The following OXNAD1 variants were observed in gnomAD, a reference collection of about 807,000 sequenced individuals.
OXNAD1 encodes oxidoreductase NAD binding domain containing 1, also known as oxidoreductase NAD-binding domain-containing protein 1.
Under a neutral mutation model 32.9 loss-of-function variants are expected in OXNAD1, and 34 were observed. The ratio of observed to expected loss-of-function variants is 1.03; its 90% CI spans 0.79 to 1.38. OXNAD1 has a LOEUF of 1.38. Ranked by LOEUF, OXNAD1 falls within the 40% of genes most tolerant of loss-of-function variation. OXNAD1 has a pLI of 0.00. For synonymous variants in OXNAD1, 134 were observed against 135.2 expected (o/e 0.99, Z 0.06); for missense variants, 407 against 379.4 (o/e 1.07, Z -0.60).
At chr3:16,285,586 G>T (rs2066019631) in intron 4 of OXNAD1, among the ~76,000 whole-genome samples, 1 of 152,184 alleles carries the variant, frequency 6.6e-6, no homozygotes, top group South Asian at 2.1e-4. Context: ...GCCATGAATG[G>T]CACATACCTG....
downstream of OXNAD1, among the ~76,000 whole-genome samples, chr3:16,306,717 CTG>C (rs1201615615): frequency 1.3e-5 from 2 of 152,182 alleles, no homozygotes; most frequent in Non-Finnish European, 2.9e-5. Flanking sequence ...CCTCTCTCCT[CTG>C]TATTTCATGT....
In OXNAD1 at chr3:16,321,594, T is replaced by C. The variant is rs2069063816; in HGVS notation, c.*31-15518T>C. Among the ~76,000 whole-genome samples the C allele has an allele frequency of 6.6e-6, 1 of 152,094 alleles. No individual in the cohort carries two copies. Among genetic ancestry groups the C allele is most frequent in the South Asian group, 2.1e-4 (1 of 4,824 alleles). On this transcript the variant is annotated intron_variant, in intron 9 of 9. Coordinates refer to the OXNAD1 transcript ENST00000435829. This position sits in a 1 kb window ranked among gnomAD's most constrained non-coding sequence, Gnocchi z 4.8. Reference sequence around the variant, plus strand: ...AAGGAGTCTGGCTGTGAAGCCCCCCTCTCTGGAGGACTCCCATCTGTGAGG... The same window carrying C: ...AAGGAGTCTGGCTGTGAAGCCCCCCCCTCTGGAGGACTCCCATCTGTGAGG...
rs2069094403 is a variant in OXNAD1 at position 16,321,849 on chromosome 3, A to C, written c.*31-15263A>C. 6.6e-6 allele frequency among the ~76,000 whole-genome samples: 1 copy of C among 152,152 alleles called. No homozygotes were observed. The highest frequency in any genetic ancestry group is 2.4e-5 in the African/African-American group (1 of 41,428). On this transcript the variant is annotated intron_variant, in intron 9 of 9. Transcript: ENST00000435829. This position sits in a 1 kb window ranked among gnomAD's most constrained non-coding sequence, Gnocchi z 4.8. ...TTATTACAGCAGCTTTTACAAATCT[A>C]TCTCTAAAGTCTCCCTGCCGACTCA...
In OXNAD1 at chr3:16,344,077, G is replaced by C. The variant is rs564972629; in HGVS notation, c.*31-5099G>C. ...AGCCCAGAGCACTTGGAGGGAAGCA[G>C]TAGAGACATTCTTGGCCTGTATTAA... On this transcript the variant is annotated intron_variant, in intron 9 of 9. Coordinates refer to the OXNAD1 transcript ENST00000606098. This position sits in a 1 kb window ranked among gnomAD's most constrained non-coding sequence, Gnocchi z 4.4. Among the ~76,000 whole-genome samples the C allele has an allele frequency of 6.6e-6, 1 of 152,232 alleles. No individual in the cohort carries two copies.
chr3:16,279,387 T>G (rs1377096370), intron 4 of OXNAD1, among the ~76,000 whole-genome samples: 1 of 152,178 alleles, frequency 6.6e-6, no homozygotes, highest in African/African-American at 2.4e-5. Context: ...AAAGGCCCAG[T>G]TTAGCAGCTC....
chr3:16,340,665 G>T (rs2071259123), downstream of OXNAD1, among the ~76,000 whole-genome samples: 1 of 152,212 alleles, frequency 6.6e-6, no homozygotes, highest in South Asian at 2.1e-4. Flanking sequence ...AAGTTACCTT[G>T]TCTTTATACA....
At position 16,345,817 on chromosome 3, in the gene OXNAD1, T is replaced by TGTGTGTGTGC. The variant is rs1160939614; in HGVS notation, c.*31-3358_*31-3357insTGTGTGTGCG. ...GTGTGTGTGTGTGTGTGTGTGTGTG[T>TGTGTGTGTGC]GCGCGCGCGCGTGCGCGCACGCGCA... On this transcript the variant is annotated intron_variant, in intron 9 of 9. Transcript: ENST00000606098. This position sits in a 1 kb window ranked among gnomAD's most constrained non-coding sequence, Gnocchi z 5.2. Among the ~76,000 whole-genome samples, 99 of 74,606 alleles carry TGTGTGTGTGC rather than the reference T, an allele frequency of 1.3e-3. No homozygotes were observed. The highest frequency in any genetic ancestry group is 4.8e-3 in the African/African-American group (88 of 18,170). 48.9% of individuals were successfully genotyped at this position (74,606 alleles called of 152,430 possible).
rs2070888637 is a variant in OXNAD1 at position 16,336,748 on chromosome 3, T to C, written c.*31-364T>C. Among the ~76,000 whole-genome samples, 1 of 152,176 alleles carries C rather than the reference T, an allele frequency of 6.6e-6. No homozygotes were observed. Among genetic ancestry groups the C allele is most frequent in the African/African-American group, 2.4e-5 (1 of 41,430 alleles). On this transcript the variant is annotated intron_variant, in intron 9 of 9. Transcript: ENST00000435829. This position sits in a 1 kb window ranked among gnomAD's most constrained non-coding sequence, Gnocchi z 6.0. ...TGTAGTGCATAAAAAGCTTCAGTTCTGAGACTCTTTACCCACCCAGTGCTG... is the reference window on the plus strand; with the variant it reads ...TGTAGTGCATAAAAAGCTTCAGTTCCGAGACTCTTTACCCACCCAGTGCTG...
intron 9 of OXNAD1, among the ~76,000 whole-genome samples, chr3:16,332,335 G>T (rs1002756100): frequency 1.1e-5 from 1 of 87,348 alleles, no homozygotes; most frequent in African/African-American, 4.8e-5. Context: ...CCTTCATTTT[G>T]TCTTCCAACT....
chr3:16,303,461 T>C lies in OXNAD1; in HGVS notation c.838T>C (p.Phe280Leu). Residue 280 changes from phenylalanine to leucine, a missense_variant, in exon 9 of 9, where the codon TTC (phenylalanine) becomes CTC (leucine). Physicochemically the swap from Phe to Leu is conservative, Grantham distance 22. Coordinates refer to ENST00000285083, the MANE Select transcript of OXNAD1 (RefSeq NM_138381.5). The surrounding 1 kb of genome is among the most constrained non-coding windows in gnomAD (Gnocchi z 4.8). ...AGATCATATTTCAAAAGAGACTTTG[T>C]TCTATATTTGTGGCCCACCTCCAAT... The part of the protein sequence containing the change: ...IRDHISKETL[F>L]YICGPPPMTD... The C allele has an allele frequency of 1.2e-6, 2 of 1,614,090 alleles. No individual in the cohort carries two copies. Among genetic ancestry groups the C allele is most frequent in the African/African-American group, 1.3e-5 (1 of 75,052 alleles).
rs894229392 is a variant in OXNAD1, at chr3:16,303,127, A to G, written c.785-281A>G. On this transcript the variant is annotated intron_variant, in intron 8 of 8. Coordinates refer to ENST00000285083, the MANE Select transcript of OXNAD1 (RefSeq NM_138381.5). This position sits in a 1 kb window ranked among gnomAD's most constrained non-coding sequence, Gnocchi z 4.8. ...ACAGTTACTTCCTTTGCTGAAGGCAATTTGTATCTCCATCAAAGACCAGTA... is the reference window on the plus strand; with the variant it reads ...ACAGTTACTTCCTTTGCTGAAGGCAGTTTGTATCTCCATCAAAGACCAGTA... Among the ~76,000 whole-genome samples, 2 of 152,206 alleles carry G rather than the reference A, an allele frequency of 1.3e-5. No individual in the cohort carries two copies. The highest frequency in any genetic ancestry group is 2.9e-5 in the Non-Finnish European group (2 of 68,034).
intron 9 of OXNAD1, chr3:16,315,116 G>GGTTTT (rs1386677266): frequency 7.5e-6 from 1 of 133,856 alleles, no homozygotes; most frequent in Non-Finnish European, 1.7e-5. Context: ...AAATGTTTGT[G>GGTTTT]GTTTTGTTTT....
chr3:16,296,553 C>T (rs1392745554), intron 6 of OXNAD1, among the ~76,000 whole-genome samples: 7 of 152,216 alleles, frequency 4.6e-5, no homozygotes, highest in African/African-American at 1.7e-4. Flanking sequence ...TGAGAAGAAT[C>T]ACCTTAATCA....
At position 16,280,023 on chromosome 3, in the gene OXNAD1, G is replaced by A. The variant is rs1302294915; in HGVS notation, c.184-6319G>A. Among the ~76,000 whole-genome samples, 4 of 152,186 alleles carry A rather than the reference G, an allele frequency of 2.6e-5. No individual in the cohort carries two copies. Among genetic ancestry groups the A allele is most frequent in the African/African-American group, 9.7e-5 (4 of 41,428 alleles). On this transcript the variant is annotated intron_variant, in intron 4 of 8. Transcript: ENST00000285083. The surrounding 1 kb of genome is among the most constrained non-coding windows in gnomAD (Gnocchi z 4.5). ...TTTAAATCTGCTTTGCCCCTTACTG[G>A]CTCTGGGACCTCAGTTTTCTCATAT...
chr3:16,338,893 A>C (rs921930448), downstream of OXNAD1, among the ~76,000 whole-genome samples: 7 of 152,220 alleles, frequency 4.6e-5, no homozygotes, highest in African/African-American at 1.7e-4. This position sits in a 1 kb window ranked among gnomAD's most constrained non-coding sequence, Gnocchi z 5.3. Context: ...CTAGAACCCA[A>C]AACTGTCAAC....
In OXNAD1 at chr3:16,345,264, TTG is replaced by T. The variant is rs10703577; in HGVS notation, c.*31-3876_*31-3875del. The T allele has an allele frequency of 0.25, 36,275 of 145,738 alleles. 4,565 individuals are homozygous for T. Among genetic ancestry groups the T allele is most frequent in the East Asian group, 0.33 (1,638 of 4,960 alleles). The allele number at this position is 145,738 out of a possible 1,614,324, so 9.0% of individuals were successfully genotyped here. ...AAACTGTAAGATAATAAGTAGGTGG[TTG>T]TGTGTGTGTGTGTGTGTGTGTGTGT... On this transcript the variant is annotated intron_variant, in intron 9 of 9. Transcript: ENST00000606098. This position sits in a 1 kb window ranked among gnomAD's most constrained non-coding sequence, Gnocchi z 5.2.
chr3:16,317,115 G>C lies in OXNAD1; in HGVS notation c.*30+13523G>C. ...CCCATGTCTCCAGCTTTGGAAGACTGGTCTTCTAAGTTCTTCTCATTTTCT... is the reference window on the plus strand; with the variant it reads ...CCCATGTCTCCAGCTTTGGAAGACTCGTCTTCTAAGTTCTTCTCATTTTCT... On this transcript the variant is annotated intron_variant, in intron 9 of 9. Transcript: ENST00000435829. This position sits in a 1 kb window ranked among gnomAD's most constrained non-coding sequence, Gnocchi z 4.3. 6.2e-7 allele frequency: 1 copy of C among 1,613,754 alleles called. No individual in the cohort carries two copies.
rs1179626708 is a variant in OXNAD1 at position 16,301,375 on chromosome 3, A to G, written c.433-251A>G. ...TAAGAAGTTAACAAATGGTGAAATCACTGAAGCACATCTCCTTTTCTCAGT... is the reference window on the plus strand; with the variant it reads ...TAAGAAGTTAACAAATGGTGAAATCGCTGAAGCACATCTCCTTTTCTCAGT... On this transcript the variant is annotated intron_variant, in intron 6 of 8. Coordinates refer to ENST00000285083, the MANE Select transcript of OXNAD1 (RefSeq NM_138381.5). This position sits in a 1 kb window ranked among gnomAD's most constrained non-coding sequence, Gnocchi z 4.1. Among the ~76,000 whole-genome samples, 3 of 152,188 alleles carry G rather than the reference A, an allele frequency of 2.0e-5. No homozygotes were observed. Among genetic ancestry groups the G allele is most frequent in the Non-Finnish European group, 2.9e-5 (2 of 68,042 alleles).
intron 1 of OXNAD1, among the ~76,000 whole-genome samples, chr3:16,268,227 A>T (rs1217034635): frequency 1.3e-5 from 2 of 151,476 alleles, no homozygotes; most frequent in Admixed American, 1.3e-4. Context: ...AGAATTTTAT[A>T]AAAATGTCCT....
Sources: gnomAD v4.1 joint callset for allele counts (sites outside exome capture counted in the v4.1 genomes callset) on GRCh38, gnomAD v4.1.1 for gene constraint, Gnocchi (gnomAD v3.1) non-coding constraint, MANE v1.5 for transcripts, NCBI Gene and HGNC (gene_info 2026-07-23, HGNC 2026-07-21) for gene names.